The following MPPED2 variants were observed in gnomAD, a reference collection of about 807,000 sequenced individuals.
MPPED2 encodes the protein metallophosphoesterase MPPED2.
Under a neutral mutation model 33.0 loss-of-function variants are expected in MPPED2, and 5 were observed. That is an observed-to-expected ratio of 0.15 (90% CI 0.08 to 0.32). MPPED2 has a LOEUF of 0.32. Ranked by LOEUF, MPPED2 falls within the 10% of genes least tolerant of loss-of-function variation. MPPED2 has a pLI of 1.00. For synonymous variants in MPPED2, 136 were observed against 141.9 expected, an observed-to-expected ratio of 0.96 and a Z score of 0.29; for missense variants, 275 against 372.1, an observed-to-expected ratio of 0.74 and a Z score of 2.15.
At chr11:30,444,480 A>G (rs1949716330) in intron 4 of MPPED2, among the ~76,000 whole-genome samples, 2 of 148,264 alleles carry the variant, frequency 1.3e-5, no homozygotes, top group Admixed American at 6.7e-5. Context: ...GAAAAAACAC[A>G]TTTTTCCAAG....
chr11:30,396,098 C>T (rs1314089763), intron 6 of MPPED2, among the ~76,000 whole-genome samples: 1 of 152,176 alleles, frequency 6.6e-6, no homozygotes, highest in Non-Finnish European at 1.5e-5. Flanking sequence ...GATCCATCCT[C>T]CTACCTTGGG....
chr11:30,499,007 C>T (rs1952430477), intron 3 of MPPED2, among the ~76,000 whole-genome samples: 1 of 152,116 alleles, frequency 6.6e-6, no homozygotes, highest in South Asian at 2.1e-4. Flanking sequence ...AGTAGATACT[C>T]ATGAACTGAA....
chr11:30,546,826 T>C lies in MPPED2; in HGVS notation c.129-10651A>G, dbSNP rs141926280. 3.9e-3 allele frequency among the ~76,000 whole-genome samples: 588 copies of C among 152,340 alleles called. 3 individuals are homozygous for C. Among genetic ancestry groups the C allele is most frequent in the African/African-American group, 0.011 (462 of 41,596 alleles). ...GTCAACAGTTAACCACCTTTCAAAATTAATTCAATACAATAATTATTAGAC... is the reference window on the plus strand; with the variant it reads ...GTCAACAGTTAACCACCTTTCAAAACTAATTCAATACAATAATTATTAGAC... On this transcript the variant is annotated intron_variant, in intron 2 of 6. Coordinates refer to ENST00000358117, the MANE Select transcript of MPPED2 (RefSeq NM_001584.3).
chr11:30,529,007 A>G (rs1172874218), intron 3 of MPPED2, among the ~76,000 whole-genome samples: 1 of 152,238 alleles, frequency 6.6e-6, no homozygotes, highest in Admixed American at 6.5e-5. Flanking sequence ...AAAGATGTTC[A>G]TCACTTCAGT....
intron 4 of MPPED2, among the ~76,000 whole-genome samples, chr11:30,483,904 T>C (rs1465688632): frequency 1.3e-5 from 2 of 152,086 alleles, no homozygotes; most frequent in Non-Finnish European, 2.9e-5. Context: ...AGAAAAACAA[T>C]AATCACAGTT....
chr11:30,477,118 T>G (rs567814385), intron 4 of MPPED2, among the ~76,000 whole-genome samples: 2 of 152,270 alleles, frequency 1.3e-5, no homozygotes, highest in Non-Finnish European at 2.9e-5. Flanking sequence ...GCAGTTGTTT[T>G]GTAAATTCCT....
chr11:30,411,070 A>G lies in MPPED2; in HGVS notation c.*398T>C. 1 of 986,782 alleles carries G rather than the reference A, an allele frequency of 1.0e-6. No individual in the cohort carries two copies. Among genetic ancestry groups the G allele is most frequent in the Non-Finnish European group, 1.2e-6 (1 of 830,564 alleles). The allele number at this position is 986,782 out of a possible 1,614,324, so 61.1% of individuals were successfully genotyped here. On this transcript the variant is annotated 3_prime_UTR_variant, in exon 7 of 7. Coordinates refer to ENST00000358117, the MANE Select transcript of MPPED2 (RefSeq NM_001584.3). ...ATTGAAAATTAAAATATTTCAAACA[A>G]TACTCTTAAACAGTTGTGCAAATCT... is the stretch of plus-strand genomic sequence containing the variant.
At chr11:30,519,972 T>C (rs575837836) in intron 3 of MPPED2, among the ~76,000 whole-genome samples, 2 of 152,236 alleles carry the variant, frequency 1.3e-5, no homozygotes, top group African/African-American at 4.8e-5. Flanking sequence ...TACAGACAAA[T>C]CAAAGCTCAG....
chr11:30,532,292 A>G (rs144501743), intron 3 of MPPED2, among the ~76,000 whole-genome samples: 244 of 152,290 alleles, frequency 1.6e-3, no homozygotes, highest in Non-Finnish European at 2.3e-3. Context: ...TTCCACTTCT[A>G]TCAGATTAGG....
chr11:30,489,787 A>G (rs1479470957), intron 4 of MPPED2, among the ~76,000 whole-genome samples: 1 of 152,226 alleles, frequency 6.6e-6, no homozygotes, highest in African/African-American at 2.4e-5. Flanking sequence ...CCAGCTCTGT[A>G]TTTCTGTTCA....
intron 3 of MPPED2, among the ~76,000 whole-genome samples, chr11:30,529,505 T>C (rs764898365): frequency 6.6e-5 from 10 of 150,888 alleles, no homozygotes; most frequent in Non-Finnish European, 1.5e-4. Context: ...GTAAGACTTA[T>C]ATTTTGGCAA....
chr11:30,534,362 GATT>G (rs1286259717), intron 3 of MPPED2, among the ~76,000 whole-genome samples: 1 of 152,032 alleles, frequency 6.6e-6, no homozygotes, highest in African/African-American at 2.4e-5. Flanking sequence ...AAAATAAAGA[GATT>G]ATTGTAGAGA....
At chr11:30,470,917 A>G (rs1051634724) in intron 4 of MPPED2, among the ~76,000 whole-genome samples, 4 of 152,218 alleles carry the variant, frequency 2.6e-5, no homozygotes, top group Admixed American at 2.6e-4. Flanking sequence ...ATACCTCCAC[A>G]GATAATGGAA....
chr11:30,520,664 T>C (rs1953820899), intron 3 of MPPED2, among the ~76,000 whole-genome samples: 1 of 152,220 alleles, frequency 6.6e-6, no homozygotes, highest in African/African-American at 2.4e-5. Flanking sequence ...AATTTTAGCA[T>C]TTGTAATAAA....
intron 6 of MPPED2, among the ~76,000 whole-genome samples, chr11:30,398,493 T>C (rs770818912): frequency 6.6e-5 from 10 of 152,066 alleles, no homozygotes; most frequent in Non-Finnish European, 1.3e-4. Flanking sequence ...GCTGATCAGA[T>C]GGTCAGATGA....
In MPPED2 at chr11:30,560,310, T is replaced by A. The variant is rs536332579; in HGVS notation, c.128+19936A>T. Among the ~76,000 whole-genome samples the A allele has an allele frequency of 2.7e-3, 403 of 151,166 alleles. 2 individuals are homozygous for A. The highest frequency in any genetic ancestry group is 9.4e-3 in the African/African-American group (384 of 41,030). ...TAAAAGATGACTAACAAGTTTTTTT[T>A]TTAAAAAAAAAAAATATGTTAACCA... On this transcript the variant is annotated intron_variant, in intron 2 of 6. Transcript: ENST00000358117.
chr11:30,414,060 TA>T (rs1461613277), intron 6 of MPPED2, among the ~76,000 whole-genome samples, 167 bp downstream of exon 6: 1 of 152,190 alleles, frequency 6.6e-6, no homozygotes, highest in Non-Finnish European at 1.5e-5. Context: ...AAGGTCCATA[TA>T]AAATATTTAT....
At chr11:30,384,281 T>C (rs937941030), downstream of MPPED2, among the ~76,000 whole-genome samples, 4 of 152,146 alleles carry the variant, frequency 2.6e-5, no homozygotes. Context: ...CAGGAATCAA[T>C]AACCAAGTTT....
At chr11:30,483,159 C>T (rs187723711) in intron 4 of MPPED2, among the ~76,000 whole-genome samples, 1 of 152,302 alleles carries the variant, frequency 6.6e-6, no homozygotes, top group Admixed American at 6.5e-5. Context: ...GCATTGTACA[C>T]ACACATTTGG....
Sources: gnomAD v4.1 joint callset for allele counts (sites outside exome capture counted in the v4.1 genomes callset) on GRCh38, gnomAD v4.1.1 for gene constraint, MANE v1.5 for transcripts, NCBI Gene and HGNC (gene_info 2026-07-23, HGNC 2026-07-21) for gene names.